Variants in DYNLT5 observed in about 807,000 individuals in gnomAD.
DYNLT5 encodes dynein light chain Tctex-type 5.
A neutral mutation model predicts 19.3 loss-of-function variants in DYNLT5; 25 were observed. That is an observed-to-expected ratio of 1.30 (90% confidence interval 0.95 to 1.81). The LOEUF is 1.81. Among genes scored for constraint, DYNLT5 ranks in the 40% most tolerant of loss-of-function variants. The pLI, the probability that DYNLT5 is intolerant of heterozygous loss-of-function variation, is 0.00. For synonymous variants in DYNLT5, 82 were observed against 68.9 expected (o/e 1.19, Z -0.94); for missense variants, 232 against 217.9 (o/e 1.06, Z -0.41).
At position 66,752,533 on chromosome 1, in the gene DYNLT5, G is replaced by A. The variant is rs1249858221; in HGVS notation, c.-55G>A. The A allele has an allele frequency of 1.3e-5, 13 of 985,618 alleles. No individual in the cohort carries two copies. Among genetic ancestry groups the A allele is most frequent in the Non-Finnish European group, 1.3e-5 (11 of 830,062 alleles). The allele number at this position is 985,618 out of a possible 1,614,324, so 61.1% of individuals were successfully genotyped here. A position where few individuals can be genotyped will look rare whatever the true frequency, so the allele number is the denominator to read the frequency against. ...ACGCGGGAGCCGCGCCGCGCGCAGT[G>A]TCTGCAGTGCCGGAGGTCTGGGAGG... On this transcript the variant is annotated 5_prime_UTR_variant, in exon 1 of 5. Coordinates refer to ENST00000282670, the MANE Select transcript of DYNLT5 (RefSeq NM_152665.3).
At chr1:66,774,117 G>T (rs1047222319) in intron 3 of DYNLT5, among the ~76,000 whole-genome samples, 1 of 151,984 alleles carries the variant, frequency 6.6e-6, no homozygotes. Context: ...ACAGACTCAA[G>T]TGCCACCAGG....
intron 3 of DYNLT5, 191 bp from the exon 4 acceptor site, chr1:66,776,088 A>G (rs115264046): frequency 0.02 from 11,985 of 605,610 alleles, 145 homozygotes; most frequent in Non-Finnish European, 0.026. Context: ...TAAATGTACG[A>G]AAATATTGTC....
chr1:66,769,338 A>G (rs1645187950), intron 2 of DYNLT5, among the ~76,000 whole-genome samples: 1 of 152,220 alleles, frequency 6.6e-6, no homozygotes, highest in Admixed American at 6.5e-5. Flanking sequence ...ATTTTTAAAA[A>G]TAGATTACCC....
chr1:66,766,572 C>G (rs2094655666), intron 2 of DYNLT5, among the ~76,000 whole-genome samples: 2 of 152,126 alleles, frequency 1.3e-5, no homozygotes, highest in African/African-American at 4.8e-5. Context: ...ATTTGCCAAG[C>G]TCATATTCTG....
intron 2 of DYNLT5, among the ~76,000 whole-genome samples, chr1:66,763,333 A>AT (rs1279068552): frequency 3.3e-5 from 5 of 152,138 alleles, no homozygotes; most frequent in Admixed American, 6.5e-5. Context: ...GGGCCCTGGG[A>AT]TTTTCAGGAT....
At chr1:66,759,984 C>T (rs888109801) in intron 2 of DYNLT5, among the ~76,000 whole-genome samples, 8 of 152,180 alleles carry the variant, frequency 5.3e-5, no homozygotes, top group African/African-American at 1.7e-4. Flanking sequence ...TGTCTCAAAG[C>T]ATTTGCATGT....
chr1:66,769,161 C>T (rs1380302355), intron 2 of DYNLT5, among the ~76,000 whole-genome samples: 1 of 152,060 alleles, frequency 6.6e-6, no homozygotes, highest in Admixed American at 6.6e-5. Flanking sequence ...CTGGTTGCTA[C>T]TTCAAAGGGC....
chr1:66,766,104 C>T (rs113721303), intron 2 of DYNLT5, among the ~76,000 whole-genome samples: 2,435 of 152,286 alleles, frequency 0.016, 79 homozygotes, highest in African/African-American at 0.057. Context: ...TTTTCATCTA[C>T]CTTTCTTTCT....
intron 2 of DYNLT5, among the ~76,000 whole-genome samples, chr1:66,765,607 A>C (rs552216897): frequency 6.6e-6 from 1 of 151,900 alleles, no homozygotes; most frequent in East Asian, 1.9e-4. Context: ...TTCATTAAAG[A>C]GTAAATATGT....
At chr1:66,761,741 A>G (rs142992639) in intron 2 of DYNLT5, among the ~76,000 whole-genome samples, 1 of 152,234 alleles carries the variant, frequency 6.6e-6, no homozygotes, top group Non-Finnish European at 1.5e-5. Context: ...TCATACCACT[A>G]TACTCCAGCC....
intron 3 of DYNLT5, among the ~76,000 whole-genome samples, chr1:66,772,843 AC>A (rs1329760065): frequency 6.6e-6 from 1 of 152,208 alleles, no homozygotes; most frequent in East Asian, 1.9e-4. Context: ...AATTACTAAA[AC>A]AAATATAAAA....
intron 2 of DYNLT5, among the ~76,000 whole-genome samples, chr1:66,769,025 T>C (rs1038968428): frequency 6.6e-6 from 1 of 152,214 alleles, no homozygotes; most frequent in Non-Finnish European, 1.5e-5. Flanking sequence ...AAAAGTAGCA[T>C]ATATAGTAAT....
chr1:66,773,836 A>G (rs1645219675), intron 3 of DYNLT5, among the ~76,000 whole-genome samples: 1 of 152,100 alleles, frequency 6.6e-6, no homozygotes, highest in Non-Finnish European at 1.5e-5. Flanking sequence ...TCCTAAGGAA[A>G]AAAAAAATCT....
At chr1:66,768,060 T>C (rs989962322) in intron 2 of DYNLT5, among the ~76,000 whole-genome samples, 1 of 152,210 alleles carries the variant, frequency 6.6e-6, no homozygotes, top group Non-Finnish European at 1.5e-5. Flanking sequence ...CCTGACACGA[T>C]GTTCATTATA....
chr1:66,770,647 T>A, intron 3 of DYNLT5, 169 bp downstream of exon 3: 1 of 703,706 alleles, frequency 1.4e-6, no homozygotes, highest in Non-Finnish European at 2.6e-6. Context: ...AGCAAAAAGG[T>A]AACAACACTT....
intron 2 of DYNLT5, among the ~76,000 whole-genome samples, chr1:66,760,363 C>A (rs886368899): frequency 6.6e-6 from 1 of 152,024 alleles, no homozygotes; most frequent in African/African-American, 2.4e-5. Context: ...TCACTCAGTA[C>A]ATATTTTGTG....
chr1:66,764,373 C>T (rs2094650938), intron 2 of DYNLT5, among the ~76,000 whole-genome samples: 1 of 152,112 alleles, frequency 6.6e-6, no homozygotes, highest in Admixed American at 6.6e-5. Context: ...TTCACTTGAA[C>T]ACTTAGAGAC....
rs555504352 is a variant in DYNLT5, at chr1:66,758,140, TTGAG to T, written c.119+3365_119+3368del. 1.8e-4 allele frequency among the ~76,000 whole-genome samples: 27 copies of T among 152,332 alleles called. No individual in the cohort carries two copies. The East Asian group carries it at 5.2e-3, about 29-fold the overall frequency. ...GCAAAAATGGGCTTTTGTTTATTAGTTGAGTATTTTCATTTCCTGAAAATTGGCA... is the reference window on the plus strand; with the variant it reads ...GCAAAAATGGGCTTTTGTTTATTAGTTATTTTCATTTCCTGAAAATTGGCA... On this transcript the variant is annotated intron_variant, in intron 2 of 4. Coordinates refer to ENST00000282670, the MANE Select transcript of DYNLT5 (RefSeq NM_152665.3).
rs2094627393 is a variant in DYNLT5, at chr1:66,752,597, C to G, written c.-4+13C>G. On this transcript the variant is annotated intron_variant, in intron 1 of 4. Transcript: ENST00000282670. ...CTCCCTGCTGCAGGTAGGGTCGCCT[C>G]TCTCTGCAGCGCGTCTGGACCCCAA... The G allele has an allele frequency of 3.0e-6, 3 of 985,516 alleles. No homozygotes were observed. The highest frequency in any genetic ancestry group is 3.6e-6 in the Non-Finnish European group (3 of 829,948). 61.0% of individuals were successfully genotyped at this position (985,516 alleles called of 1,614,324 possible).
Sources: gnomAD v4.1 joint callset for allele counts (sites outside exome capture counted in the v4.1 genomes callset) on GRCh38, gnomAD v4.1.1 for gene constraint, MANE v1.5 for transcripts, NCBI Gene and HGNC (gene_info 2026-07-23, HGNC 2026-07-21) for gene names.